Variants in MAPK9 observed in about 807,000 individuals in gnomAD.
MAPK9 encodes mitogen-activated protein kinase 9, also known as Jun kinase.
In MAPK9, 30 loss-of-function variants were observed where a neutral mutation model predicts 57.1. The ratio of observed to expected loss-of-function variants is 0.53; its 90% CI spans 0.39 to 0.71. MAPK9 has a LOEUF of 0.71. Among genes scored for constraint, MAPK9 ranks in the 30% least tolerant of loss-of-function variants. The pLI, the probability that MAPK9 is intolerant of heterozygous loss-of-function variation, is 0.00. For synonymous variants in MAPK9, 155 were observed against 177.0 expected (o/e 0.88, Z 0.99); for missense variants, 362 against 521.0 (o/e 0.69, Z 2.97).
intron 7 of MAPK9, among the ~76,000 whole-genome samples, chr5:180,245,638 T>C (rs1042019283): frequency 1.3e-5 from 2 of 152,080 alleles, no homozygotes; most frequent in Admixed American, 1.3e-4. Context: ...TGTCTAACTC[T>C]CGTGAAGCTG....
intron 5 of MAPK9, 109 bp from the exon 6 acceptor site, chr5:180,249,247 A>C: frequency 1.0e-6 from 1 of 994,936 alleles, no homozygotes; most frequent in South Asian, 2.0e-5. Flanking sequence ...GAGTGAACTG[A>C]ACTCTGAGAT....
intron 2 of MAPK9, chr5:180,279,652 T>A (rs546126500): frequency 1.7e-5 from 6 of 354,890 alleles, no homozygotes; most frequent in South Asian, 1.3e-4. Context: ...ACGGTTTCTT[T>A]AGGCGCAAAG....
At chr5:180,267,486 T>G (rs7737376) in intron 3 of MAPK9, among the ~76,000 whole-genome samples, 1 of 140,176 alleles carries the variant, frequency 7.1e-6, no homozygotes, top group African/African-American at 2.7e-5. Context: ...GGCGTGAACC[T>G]GGGAGGCGGA....
intron 5 of MAPK9, 79 bp from the exon 6 acceptor site, chr5:180,249,217 A>T: frequency 7.4e-7 from 1 of 1,354,016 alleles, no homozygotes; most frequent in Non-Finnish European, 1.0e-6. Context: ...AGGGTCGTGA[A>T]GCCAGTGTGA....
intron 5 of MAPK9, among the ~76,000 whole-genome samples, chr5:180,252,614 G>T (rs1440513335): frequency 6.6e-6 from 1 of 152,132 alleles, no homozygotes; most frequent in Admixed American, 6.5e-5. Context: ...TTACTCACAG[G>T]CCAAGGAACT....
chr5:180,259,651 C>T (rs1581225957), intron 5 of MAPK9, among the ~76,000 whole-genome samples: 3 of 144,410 alleles, frequency 2.1e-5, no homozygotes, highest in Middle Eastern at 4.2e-3. Flanking sequence ...GGTCAAGTCT[C>T]CAGACATTCC....
chr5:180,285,948 C>T (rs1160041992), intron 1 of MAPK9, among the ~76,000 whole-genome samples: 3 of 150,038 alleles, frequency 2.0e-5, no homozygotes, highest in Non-Finnish European at 3.0e-5. Context: ...GGTGTGGTGG[C>T]GGGCGCCTGT....
At chr5:180,239,506 T>C (rs2127574569) in intron 10 of MAPK9, among the ~76,000 whole-genome samples, 1 of 152,342 alleles carries the variant, frequency 6.6e-6, no homozygotes, top group Middle Eastern at 3.4e-3. Flanking sequence ...GTATAGTTTG[T>C]TGTGGGTTGT....
chr5:180,270,102 G>A (rs1333681444), intron 2 of MAPK9, among the ~76,000 whole-genome samples: 7 of 152,104 alleles, frequency 4.6e-5, no homozygotes, highest in Non-Finnish European at 8.8e-5. Context: ...GAATCAAGTA[G>A]CCTGATTACA....
chr5:180,240,004 A>G lies in MAPK9; in HGVS notation c.997-17T>C. 4 of 1,605,672 alleles carry G rather than the reference A, an allele frequency of 2.5e-6. No homozygotes were observed. The highest frequency in any genetic ancestry group is 3.4e-6 in the Non-Finnish European group (4 of 1,174,074). On this transcript the variant is annotated splice_polypyrimidine_tract_variant and intron_variant, in intron 9 of 11. Transcript: ENST00000452135. ...AGGTGGTGGCTAAAAATTAAATCAT[A>G]TGTAAAGTCAACAGTAATGCCTCAA...
chr5:180,267,819 C>CAAAACAAAA (rs1339990780), intron 3 of MAPK9, among the ~76,000 whole-genome samples: 1 of 149,708 alleles, frequency 6.7e-6, no homozygotes, highest in Non-Finnish European at 1.5e-5. Context: ...CTCAAAAAAA[C>CAAAACAAAA]AAAACAAAAA....
At chr5:180,270,752 G>A (rs1456751355) in intron 2 of MAPK9, among the ~76,000 whole-genome samples, 1 of 151,258 alleles carries the variant, frequency 6.6e-6, no homozygotes, top group Non-Finnish European at 1.5e-5. Flanking sequence ...TCAGGGGACT[G>A]AGGTGGGAGG....
At chr5:180,291,693 G>A (rs1456502638) in intron 1 of MAPK9, among the ~76,000 whole-genome samples, 155 bp downstream of exon 1, 1 of 151,150 alleles carries the variant, frequency 6.6e-6, no homozygotes, top group Non-Finnish European at 1.5e-5. Flanking sequence ...GGCGCCTGCG[G>A]CATCCCCCAG....
chr5:180,244,016 T>C (rs1458534273), intron 7 of MAPK9, among the ~76,000 whole-genome samples: 1 of 151,902 alleles, frequency 6.6e-6, no homozygotes, highest in Admixed American at 6.6e-5. Context: ...GTCGGCTAAT[T>C]TTTGTTATTT....
rs1191910839 is a variant in MAPK9, at chr5:180,233,201, C to T, written c.*3183G>A. ...CAGCCTGAAGTGCTTCAAACACAGA[C>T]GTCAGATGAACTTGGCTCATCCCAG... On this transcript the variant is annotated 3_prime_UTR_variant, in exon 12 of 12. Transcript: ENST00000452135. 1 of 152,182 alleles carries T rather than the reference C, an allele frequency of 6.6e-6. No individual in the cohort carries two copies. Among genetic ancestry groups the T allele is most frequent in the African/African-American group, 2.4e-5 (1 of 41,442 alleles). The allele number at this position is 152,182 out of a possible 1,614,324, so 9.4% of individuals were successfully genotyped here. A position where few individuals can be genotyped will look rare whatever the true frequency, so the allele number is the denominator to read the frequency against.
chr5:180,247,829 A>T lies in MAPK9; in HGVS notation c.617-319T>A. The T allele has an allele frequency of 6.2e-7, 1 of 1,613,336 alleles. No homozygotes were observed. Among genetic ancestry groups the T allele is most frequent in the South Asian group, 1.1e-5 (1 of 91,022 alleles). ...ACGCCCACCCCAGCCTCCATGGCCAAGTACCGGGTCCCCTGTGAAGGATAC... is the reference window on the plus strand; with the variant it reads ...ACGCCCACCCCAGCCTCCATGGCCATGTACCGGGTCCCCTGTGAAGGATAC... On this transcript the variant is annotated intron_variant, in intron 6 of 11. Coordinates refer to ENST00000452135, the MANE Select transcript of MAPK9 (RefSeq NM_002752.5). This position sits in a 1 kb window ranked among gnomAD's most constrained non-coding sequence, Gnocchi z 4.5.
At chr5:180,237,039 C>T (rs527488984) in intron 11 of MAPK9, 2 of 152,258 alleles carry the variant, frequency 1.3e-5, no homozygotes, top group South Asian at 2.1e-4. Flanking sequence ...AAATTAGTGG[C>T]CTTGTATATT....
At chr5:180,258,400 A>C (rs943827056) in intron 5 of MAPK9, 2 of 152,328 alleles carry the variant, frequency 1.3e-5, no homozygotes, top group East Asian at 1.9e-4. Flanking sequence ...CCATGTGTTT[A>C]AGAAATATGG....
intron 3 of MAPK9, among the ~76,000 whole-genome samples, chr5:180,267,423 G>A (rs1007095056): frequency 2.6e-5 from 4 of 151,828 alleles, no homozygotes; most frequent in Non-Finnish European, 4.4e-5. Context: ...TTAGCTGGGT[G>A]TGGTGGCGGG....
Sources: allele counts gnomAD v4.1 joint callset (sites outside exome capture counted in the v4.1 genomes callset), GRCh38; gene constraint gnomAD v4.1.1; non-coding constraint Gnocchi (gnomAD v3.1); transcripts MANE v1.5; gene names NCBI Gene and HGNC (gene_info 2026-07-23, HGNC 2026-07-21).